The following PCDHGA11 variants were observed in gnomAD, a reference collection of about 807,000 sequenced individuals.
PCDHGA11 encodes protocadherin gamma-A11.
A neutral mutation model predicts 60.4 loss-of-function variants in PCDHGA11; 39 were observed. That is an observed-to-expected ratio of 0.65 (90% CI 0.50 to 0.84). PCDHGA11 has a LOEUF of 0.84. Ranked by LOEUF, PCDHGA11 falls within the 40% of genes least tolerant of loss-of-function variation. The pLI is 0.00. For missense variants in PCDHGA11, 1,165 were observed against 1,197.7 expected (o/e 0.97, Z 0.40); for synonymous variants, 533 against 510.3 (o/e 1.04, Z -0.60).
Position 141,512,594 on chromosome 5 carries a change from G to C in PCDHGA11, c.*1421G>C, listed in dbSNP as rs981124898. On this transcript the variant is annotated 3_prime_UTR_variant, in exon 4 of 4. Transcript: ENST00000398587. ...CACCCCCTTCTGCCCCTGGGTCCCC[G>C]GCCATCCAGCGGGGCTGCCAGAGAA... 1 of 152,812 alleles carries C rather than the reference G, an allele frequency of 6.5e-6. No homozygotes were observed. The highest frequency in any genetic ancestry group is 6.5e-5 in the Admixed American group (1 of 15,280). The allele number at this position is 152,812 out of a possible 1,614,324, so 9.5% of individuals were successfully genotyped here. A position where few individuals can be genotyped will look rare whatever the true frequency, so the allele number is the denominator to read the frequency against.
chr5:141,459,068 A>G (rs1278498678), intron 1 of PCDHGA11, among the ~76,000 whole-genome samples: 1 of 152,226 alleles, frequency 6.6e-6, no homozygotes, highest in African/African-American at 2.4e-5. Flanking sequence ...TATATAACAT[A>G]AAATTTGCCT....
At chr5:141,430,874 C>A in intron 1 of PCDHGA11, 2 of 1,598,990 alleles carry the variant, frequency 1.3e-6, no homozygotes, top group East Asian at 4.5e-5. Context: ...TCCGGAAGAG[C>A]TGGAGAAAGG....
intron 1 of PCDHGA11, among the ~76,000 whole-genome samples, chr5:141,484,675 T>C (rs1179759392): frequency 6.6e-6 from 1 of 152,042 alleles, no homozygotes; most frequent in African/African-American, 2.4e-5. Context: ...GGGCCGCAGG[T>C]TGCTAGGGCT....
intron 1 of PCDHGA11, among the ~76,000 whole-genome samples, chr5:141,483,767 T>C (rs2099586826): frequency 6.6e-6 from 1 of 151,840 alleles, no homozygotes; most frequent in Non-Finnish European, 1.5e-5. Flanking sequence ...CTTGGAAAAA[T>C]ATTGGGGAAG....
chr5:141,463,616 T>C (rs941383375), intron 1 of PCDHGA11, among the ~76,000 whole-genome samples: 28 of 151,762 alleles, frequency 1.8e-4, no homozygotes, highest in Non-Finnish European at 2.1e-4. Flanking sequence ...GCCCGGCTAA[T>C]TTTTTGTATT....
rs1562063782 is a variant in PCDHGA11, at chr5:141,477,676, A to G, written c.2434-17131A>G. ...TAAATCGTGACAATGGCATAGTGTC[A>G]TCCTTAGTGCCCCTAGACTATGAGG... On this transcript the variant is annotated intron_variant, in intron 1 of 3. Coordinates refer to ENST00000398587, the MANE Select transcript of PCDHGA11 (RefSeq NM_018914.3). This position sits in a 1 kb window ranked among gnomAD's most constrained non-coding sequence, Gnocchi z 4.9. The G allele has an allele frequency of 1.2e-6, 2 of 1,614,194 alleles. No homozygotes were observed. The highest frequency in any genetic ancestry group is 1.7e-6 in the Non-Finnish European group (2 of 1,180,046).
chr5:141,470,708 A>T (rs1293545270), intron 1 of PCDHGA11, among the ~76,000 whole-genome samples: 1 of 151,804 alleles, frequency 6.6e-6, no homozygotes. Flanking sequence ...TTTTTATTTT[A>T]TTTTTTTGAG....
chr5:141,438,358 G>A (rs1160913890), intron 1 of PCDHGA11, among the ~76,000 whole-genome samples: 1 of 151,634 alleles, frequency 6.6e-6, no homozygotes. Context: ...TCTGTGTATT[G>A]TCATTGAGGG....
Position 141,476,102 on chromosome 5 carries a change from C to G in PCDHGA11, c.2434-18705C>G, listed in dbSNP as rs1488747783. The G allele has an allele frequency of 1.3e-6, 2 of 1,576,940 alleles. No homozygotes were observed. Among genetic ancestry groups the G allele is most frequent in the African/African-American group, 2.7e-5 (2 of 73,926 alleles). ...ACGATCTGGACCCCGCTGAGAGGAA[C>G]TGCTTTTGAGTGAGATGGTCCCAGA... On this transcript the variant is annotated intron_variant, in intron 1 of 3. Transcript: ENST00000398587. The surrounding 1 kb of genome is among the most constrained non-coding windows in gnomAD (Gnocchi z 7.6).
rs930862898 is a variant in PCDHGA11 at position 141,480,073 on chromosome 5, C to A, written c.2434-14734C>A. ...GGAATAATAAGTGTTTTATAAGATT[C>A]ATGCATGATATAATGTATGCAAAGT... On this transcript the variant is annotated intron_variant, in intron 1 of 3. Coordinates refer to ENST00000398587, the MANE Select transcript of PCDHGA11 (RefSeq NM_018914.3). Among the ~76,000 whole-genome samples, 5 of 152,174 alleles carry A rather than the reference C, an allele frequency of 3.3e-5. No homozygotes were observed. In the South Asian group the frequency reaches 8.3e-4, roughly 25 times the overall value.
chr5:141,435,792 A>G (rs2097780110), intron 1 of PCDHGA11, among the ~76,000 whole-genome samples: 1 of 152,074 alleles, frequency 6.6e-6, no homozygotes, highest in South Asian at 2.1e-4. Context: ...AGGGAAACAT[A>G]ACGTCCCAAT....
At chr5:141,475,161 A>G (rs1433985907) in intron 1 of PCDHGA11, among the ~76,000 whole-genome samples, 1 of 152,138 alleles carries the variant, frequency 6.6e-6, no homozygotes, top group Non-Finnish European at 1.5e-5. Context: ...CTTCTTCATT[A>G]GCAGTGCAAC....
intron 1 of PCDHGA11, among the ~76,000 whole-genome samples, chr5:141,472,711 C>T (rs1014451209): frequency 4.6e-5 from 7 of 151,904 alleles, no homozygotes; most frequent in Admixed American, 2.0e-4. Context: ...ACAGGCCAGG[C>T]GCTGTGGCTC....
intron 1 of PCDHGA11, among the ~76,000 whole-genome samples, chr5:141,472,889 G>A (rs1163806093): frequency 6.6e-6 from 1 of 151,392 alleles, no homozygotes; most frequent in Non-Finnish European, 1.5e-5. Context: ...GGGAGGCTGA[G>A]GCAGGAGAAT....
intron 1 of PCDHGA11, chr5:141,427,255 G>C (rs1369151995): frequency 2.2e-6 from 1 of 456,746 alleles, no homozygotes; most frequent in Non-Finnish European, 4.4e-6. Flanking sequence ...GATGGTGGAG[G>C]CATGACCAGC....
At chr5:141,467,361 G>T (rs555435172) in intron 1 of PCDHGA11, among the ~76,000 whole-genome samples, 2 of 151,742 alleles carry the variant, frequency 1.3e-5, no homozygotes, top group Non-Finnish European at 2.9e-5. Flanking sequence ...CCAAATCAAC[G>T]TTTTCTTATA....
At chr5:141,427,602 A>G (rs1415454468) in intron 1 of PCDHGA11, 1 of 685,668 alleles carries the variant, frequency 1.5e-6, no homozygotes, top group Non-Finnish European at 2.7e-6. Flanking sequence ...CACCCTACGC[A>G]TTGGTGAAGT....
In PCDHGA11 at chr5:141,423,120, G is replaced by A; in HGVS notation, c.1893G>A (p.Arg631=). 6.2e-7 allele frequency: 1 copy of A among 1,613,800 alleles called. No homozygotes were observed. The change falls in exon 1 of 4, where the codon CGG becomes CGA. Residue 631 remains arginine, a synonymous_variant. Coordinates refer to ENST00000398587, the MANE Select transcript of PCDHGA11 (RefSeq NM_018914.3). ...ACACGGGCGAGGTGCGTACAGCGCG[G>A]GCACTGCTGGACAGAGACGCGCTCA... ...GEHTGEVRTA[R]ALLDRDALKQ... is the part of the protein sequence containing the mutation.
rs2097400915 is a variant in PCDHGA11, at chr5:141,431,619, A to G, written c.2433+7959A>G. The stretch of plus-strand genomic sequence containing the variant: ...TATTCCTTCCGGTATGTGGACGACA[A>G]GGCGGCCCAAGTTTTCAAACTAGAT... On this transcript the variant is annotated intron_variant, in intron 1 of 3. Coordinates refer to ENST00000398587, the MANE Select transcript of PCDHGA11 (RefSeq NM_018914.3). The surrounding 1 kb of genome is among the most constrained non-coding windows in gnomAD (Gnocchi z 4.8). 3.1e-6 allele frequency: 5 copies of G among 1,614,230 alleles called. No homozygotes were observed. The highest frequency in any genetic ancestry group is 4.5e-5 in the East Asian group (2 of 44,880).
Sources: allele counts gnomAD v4.1 joint callset (sites outside exome capture counted in the v4.1 genomes callset), GRCh38; gene constraint gnomAD v4.1.1; non-coding constraint Gnocchi (gnomAD v3.1); transcripts MANE v1.5; gene names NCBI Gene and HGNC (gene_info 2026-07-23, HGNC 2026-07-21).